DGKB: variants seen among roughly 807,000 people sequenced by gnomAD.
The protein encoded by DGKB is 90 kDa diacylglycerol kinase.
A neutral mutation model predicts 114.3 loss-of-function variants in DGKB; 67 were observed. That is an observed-to-expected ratio of 0.59 (90% CI 0.48 to 0.72). DGKB has a LOEUF of 0.72. Among genes scored for constraint, DGKB ranks in the 30% least tolerant of loss-of-function variants. The pLI, the probability that DGKB is intolerant of heterozygous loss-of-function variation, is 0.00. For missense variants in DGKB, 907 were observed against 975.2 expected, an observed-to-expected ratio of 0.93 and a Z score of 0.93; for synonymous variants, 398 against 323.1, an observed-to-expected ratio of 1.23 and a Z score of -2.49.
intron 15 of DGKB, among the ~76,000 whole-genome samples, chr7:14,616,527 T>A (rs1392006395): frequency 6.6e-6 from 1 of 151,786 alleles, no homozygotes; most frequent in Non-Finnish European, 1.5e-5. Context: ...TCCTTTTTGT[T>A]ATAGATTTTG....
chr7:14,973,493 TTTTTG>T (rs569668716), intron 1 of DGKB, among the ~76,000 whole-genome samples: 263 of 150,862 alleles, frequency 1.7e-3, no homozygotes, highest in Non-Finnish European at 2.9e-3. Context: ...TTGTTTTGTT[TTTTTG>T]TTTTGTTTTG....
At chr7:14,558,992 C>T (rs557621207) in intron 20 of DGKB, among the ~76,000 whole-genome samples, 2 of 152,178 alleles carry the variant, frequency 1.3e-5, no homozygotes, top group Non-Finnish European at 2.9e-5. Context: ...CAAAGCAGAT[C>T]ACCTGCATGT....
chr7:14,532,415 T>C (rs1259935802), intron 20 of DGKB, among the ~76,000 whole-genome samples: 1 of 151,392 alleles, frequency 6.6e-6, no homozygotes, highest in East Asian at 1.9e-4. Context: ...ACCAAATATA[T>C]ATATGGATTA....
intron 23 of DGKB, among the ~76,000 whole-genome samples, chr7:14,299,064 G>T (rs897541957): frequency 4.6e-5 from 7 of 152,108 alleles, no homozygotes; most frequent in African/African-American, 1.7e-4. Context: ...AGAGGATGTC[G>T]AGAAATAGGA....
chr7:14,319,051 A>C (rs1412993314), intron 23 of DGKB, among the ~76,000 whole-genome samples: 1 of 148,754 alleles, frequency 6.7e-6, no homozygotes, highest in African/African-American at 2.5e-5. Flanking sequence ...AAAACCAAAC[A>C]CTGCATATGC....
intron 2 of DGKB, among the ~76,000 whole-genome samples, chr7:14,822,697 T>C (rs564370793): frequency 1.1e-4 from 17 of 152,236 alleles, no homozygotes; most frequent in African/African-American, 4.1e-4. Flanking sequence ...ATTGTAGGTG[T>C]GGGTCTACAG....
intron 2 of DGKB, among the ~76,000 whole-genome samples, chr7:14,822,195 C>G (rs1463354412): frequency 6.6e-6 from 1 of 152,048 alleles, no homozygotes; most frequent in Non-Finnish European, 1.5e-5. Flanking sequence ...GCTGCTTATT[C>G]AAACCTGAAA....
intron 9 of DGKB, among the ~76,000 whole-genome samples, chr7:14,689,199 A>ATTTATTTTTT (rs1822291187): frequency 5.2e-5 from 4 of 76,566 alleles, no homozygotes; most frequent in Middle Eastern, 8.9e-3. Context: ...AACTCCTCTT[A>ATTTATTTTTT]TTTTTTTTTT....
intron 23 of DGKB, among the ~76,000 whole-genome samples, chr7:14,200,547 A>C (rs1483389838): frequency 6.6e-6 from 1 of 152,058 alleles, no homozygotes; most frequent in Non-Finnish European, 1.5e-5. Context: ...TTCCTGGCTT[A>C]CATTTTATCT....
At chr7:14,250,943 G>A (rs1336154348) in intron 23 of DGKB, among the ~76,000 whole-genome samples, 2 of 152,136 alleles carry the variant, frequency 1.3e-5, no homozygotes, top group African/African-American at 4.8e-5. Flanking sequence ...TATGTAAGCA[G>A]AGCCACCCTG....
chr7:14,442,683 A>G (rs1479731827), intron 21 of DGKB, among the ~76,000 whole-genome samples: 1 of 152,048 alleles, frequency 6.6e-6, no homozygotes, highest in African/African-American at 2.4e-5. Flanking sequence ...TTTACCACAT[A>G]TTATTTCTAA....
chr7:14,497,599 C>T (rs17168223), intron 20 of DGKB, among the ~76,000 whole-genome samples: 8,518 of 151,906 alleles, frequency 0.056, 620 homozygotes, highest in African/African-American at 0.17. Context: ...TAAATAGCCT[C>T]TGCTGCATAA....
intron 23 of DGKB, among the ~76,000 whole-genome samples, chr7:14,208,137 C>G (rs1393380162): frequency 6.6e-6 from 1 of 152,048 alleles, no homozygotes; most frequent in African/African-American, 2.4e-5. Flanking sequence ...AAGCACCTGT[C>G]TCTCCAGTAA....
intron 6 of DGKB, among the ~76,000 whole-genome samples, chr7:14,713,401 T>C (rs528161845): frequency 3.8e-4 from 56 of 147,316 alleles, no homozygotes; most frequent in Non-Finnish European, 6.9e-4. Context: ...ATTTTGATAC[T>C]GATTTAATAA....
chr7:14,893,219 A>G (rs1781569982), intron 1 of DGKB, among the ~76,000 whole-genome samples: 1 of 151,252 alleles, frequency 6.6e-6, no homozygotes, highest in Non-Finnish European at 1.5e-5. Flanking sequence ...TCATCACTCC[A>G]GCAATACATG....
intron 2 of DGKB, among the ~76,000 whole-genome samples, chr7:14,829,693 A>T (rs971198125): frequency 2.0e-5 from 3 of 152,144 alleles, no homozygotes; most frequent in Non-Finnish European, 4.4e-5. Flanking sequence ...GTTTGATCAT[A>T]CTGTAGATAA....
intron 21 of DGKB, among the ~76,000 whole-genome samples, chr7:14,382,077 T>G (rs967015763): frequency 6.9e-6 from 1 of 144,370 alleles, no homozygotes; most frequent in Non-Finnish European, 1.5e-5. Flanking sequence ...ATCAATTAAG[T>G]CTAAACTGCA....
At chr7:14,463,447 C>T (rs1446867865) in intron 21 of DGKB, among the ~76,000 whole-genome samples, 1 of 151,950 alleles carries the variant, frequency 6.6e-6, no homozygotes, top group Non-Finnish European at 1.5e-5. Context: ...TTATGCAAAA[C>T]CTTCCTAATC....
At chr7:14,874,447 A>T (rs1290702921) in intron 1 of DGKB, among the ~76,000 whole-genome samples, 1 of 152,128 alleles carries the variant, frequency 6.6e-6, no homozygotes, top group Non-Finnish European at 1.5e-5. Context: ...ATATTATCAG[A>T]TGAACATAAT....
Sources: gnomAD v4.1 joint callset for allele counts (sites outside exome capture counted in the v4.1 genomes callset) on GRCh38, gnomAD v4.1.1 for gene constraint, MANE v1.5 for transcripts, NCBI Gene and HGNC (gene_info 2026-07-23, HGNC 2026-07-21) for gene names.